The following PACRG variants were observed in gnomAD, a reference collection of about 807,000 sequenced individuals.
PACRG encodes the protein parkin coregulated gene protein.
In PACRG, 29 loss-of-function variants were observed where a neutral mutation model predicts 29.7. That is an observed-to-expected ratio of 0.98 (90% CI 0.73 to 1.33). PACRG has a LOEUF of 1.33. Among genes scored for constraint, PACRG ranks in the 40% most tolerant of loss-of-function variants. The pLI is 0.00. For missense variants in PACRG, 279 were observed against 316.2 expected, an observed-to-expected ratio of 0.88 and a Z score of 0.89; for synonymous variants, 116 against 118.7, an observed-to-expected ratio of 0.98 and a Z score of 0.15.
intron 2 of PACRG, among the ~76,000 whole-genome samples, chr6:163,006,632 A>G (rs1342201477): frequency 6.6e-6 from 1 of 151,878 alleles, no homozygotes; most frequent in Non-Finnish European, 1.5e-5. Context: ...TATTAGGTGC[A>G]TAACTCTTTA....
At chr6:163,289,724 G>C (rs1784519477) in intron 4 of PACRG, among the ~76,000 whole-genome samples, 1 of 152,292 alleles carries the variant, frequency 6.6e-6, no homozygotes, top group Admixed American at 6.5e-5. Flanking sequence ...CTTTACCTAT[G>C]AGGAAATGAA....
intron 4 of PACRG, among the ~76,000 whole-genome samples, chr6:163,102,693 G>A (rs935550858): frequency 2.6e-5 from 4 of 151,828 alleles, no homozygotes; most frequent in African/African-American, 9.7e-5. Flanking sequence ...CATTTGTCCT[G>A]AAGCTACCTA....
intron 1 of PACRG, among the ~76,000 whole-genome samples, chr6:162,738,159 GTAT>G (rs1780307049): frequency 6.6e-6 from 1 of 152,064 alleles, no homozygotes; most frequent in Non-Finnish European, 1.5e-5. Context: ...CCTGAAATTT[GTAT>G]ACATTATTCC....
chr6:163,152,166 T>C (rs1462106137), intron 4 of PACRG, among the ~76,000 whole-genome samples: 1 of 152,210 alleles, frequency 6.6e-6, no homozygotes, highest in Non-Finnish European at 1.5e-5. Context: ...CCTATTTTAA[T>C]TAAGTAAAAT....
intron 4 of PACRG, among the ~76,000 whole-genome samples, chr6:163,311,786 A>G (rs1785427216): frequency 6.6e-6 from 1 of 150,810 alleles, no homozygotes; most frequent in South Asian, 2.1e-4. Flanking sequence ...AAAAAAAGCT[A>G]CATAGTTTAC....
intron 2 of PACRG, among the ~76,000 whole-genome samples, chr6:163,028,629 CG>C (rs1474638005): frequency 6.6e-5 from 10 of 152,034 alleles, no homozygotes; most frequent in Admixed American, 1.3e-4. Flanking sequence ...TTTAAATATT[CG>C]TTTTTTCATA....
chr6:162,727,540 G>A, upstream of PACRG: 1 of 1,117,476 alleles, frequency 8.9e-7, no homozygotes, highest in Admixed American at 2.1e-5. Flanking sequence ...GGACGGCACG[G>A]GCACTTTGGC....
At chr6:162,924,317 A>G (rs1337423908) in intron 2 of PACRG, among the ~76,000 whole-genome samples, 6 of 151,972 alleles carry the variant, frequency 3.9e-5, no homozygotes, top group East Asian at 1.9e-4. Context: ...TATATATAAG[A>G]TCATGCTCTC....
At position 163,259,575 on chromosome 6, in the gene PACRG, C is replaced by T. The variant is rs147638665; in HGVS notation, c.614-55252C>T. Among the ~76,000 whole-genome samples, 52 of 152,322 alleles carry T rather than the reference C, an allele frequency of 3.4e-4. No individual in the cohort carries two copies. In the East Asian group the frequency reaches 9.5e-3, roughly 28 times the overall value. ...CCGAATTCTTCCTTGACCTCTTCGG[C>T]TCCACTGGTCATTTGGGCATCACTT... On this transcript the variant is annotated intron_variant, in intron 4 of 4. Coordinates refer to ENST00000366888, the MANE Select transcript of PACRG (RefSeq NM_001080379.2).
At chr6:162,768,767 C>A (rs1041513472) in intron 1 of PACRG, among the ~76,000 whole-genome samples, 1 of 151,916 alleles carries the variant, frequency 6.6e-6, no homozygotes, top group East Asian at 1.9e-4. Context: ...TGCCTTTGAA[C>A]CTTTCTTATT....
Position 163,032,102 on chromosome 6 carries a change from CAGAT to C in PACRG, c.292-30044_292-30041del, listed in dbSNP as rs1420954394. On this transcript the variant is annotated intron_variant, in intron 2 of 4. Coordinates refer to ENST00000366888, the MANE Select transcript of PACRG (RefSeq NM_001080379.2). ...AATAGTTTCCAACTTCTGGAGAAAT[CAGAT>C]AGAGAGAAACAAATATGCTCCAGAT... Among the ~76,000 whole-genome samples, 5 of 152,252 alleles carry C rather than the reference CAGAT, an allele frequency of 3.3e-5. No homozygotes were observed. The East Asian group carries it at 9.6e-4, about 29-fold the overall frequency.
At chr6:162,766,215 T>A (rs1325106224) in intron 1 of PACRG, among the ~76,000 whole-genome samples, 3 of 152,186 alleles carry the variant, frequency 2.0e-5, no homozygotes, top group Non-Finnish European at 4.4e-5. Context: ...CAACGCCTCC[T>A]CTTTCCCTGC....
chr6:163,089,549 C>A, intron 4 of PACRG, 141 bp downstream of exon 4: 1 of 1,004,246 alleles, frequency 1.0e-6, no homozygotes, highest in Non-Finnish European at 1.4e-6. Context: ...AGCATATTCC[C>A]ACGCCTTCTC....
At chr6:163,052,272 A>G (rs765582363) in intron 2 of PACRG, among the ~76,000 whole-genome samples, 10 of 152,212 alleles carry the variant, frequency 6.6e-5, no homozygotes, top group Non-Finnish European at 1.0e-4. Flanking sequence ...GGAGGTCATA[A>G]TATATTAATA....
At chr6:163,134,018 A>G (rs1420204511) in intron 4 of PACRG, among the ~76,000 whole-genome samples, 1 of 152,212 alleles carries the variant, frequency 6.6e-6, no homozygotes, top group Non-Finnish European at 1.5e-5. Flanking sequence ...CATGTCGCAT[A>G]AAACCAATTC....
At chr6:163,217,835 T>C (rs2128157809) in intron 4 of PACRG, among the ~76,000 whole-genome samples, 1 of 152,142 alleles carries the variant, frequency 6.6e-6, no homozygotes, top group African/African-American at 2.4e-5. Flanking sequence ...CCATCACAGA[T>C]GGGACCATCT....
intron 4 of PACRG, among the ~76,000 whole-genome samples, chr6:163,094,913 C>A (rs1020177861): frequency 4.6e-5 from 7 of 152,196 alleles, no homozygotes; most frequent in Non-Finnish European, 8.8e-5. Flanking sequence ...TTATAGAAAA[C>A]TTTCCTTCCC....
At chr6:162,784,406 G>A (rs990575364) in intron 1 of PACRG, among the ~76,000 whole-genome samples, 5 of 152,198 alleles carry the variant, frequency 3.3e-5, no homozygotes, top group African/African-American at 1.2e-4. Context: ...CCTAGAGGAA[G>A]ATAGAGCTGC....
intron 4 of PACRG, among the ~76,000 whole-genome samples, chr6:163,202,960 GT>G (rs1206062751): frequency 1.3e-5 from 2 of 152,078 alleles, no homozygotes; most frequent in Non-Finnish European, 2.9e-5. Flanking sequence ...CCAAAAACAA[GT>G]TTTAGAGGAG....
Sources: gnomAD v4.1 joint callset for allele counts (sites outside exome capture counted in the v4.1 genomes callset) on GRCh38, gnomAD v4.1.1 for gene constraint, MANE v1.5 for transcripts, NCBI Gene and HGNC (gene_info 2026-07-23, HGNC 2026-07-21) for gene names.